The following DDR2 variants were observed in gnomAD, a reference collection of about 807,000 sequenced individuals.
The protein encoded by DDR2 is discoidin domain receptor tyrosine kinase 2, also known as discoidin domain-containing receptor 2.
DDR2 carries 27 observed loss-of-function variants against 94.9 expected under a neutral mutation model. That is an observed-to-expected ratio of 0.28 (90% CI 0.21 to 0.39). DDR2 has a LOEUF of 0.39. Ranked by LOEUF, DDR2 falls within the 10% of genes least tolerant of loss-of-function variation. DDR2 has a pLI of 1.00. For missense variants in DDR2, 783 were observed against 1,076.0 expected (o/e 0.73, Z 3.81); for synonymous variants, 382 against 377.2 (o/e 1.01, Z -0.15).
At chr1:162,767,852 A>C (rs1243906630) in intron 11 of DDR2, among the ~76,000 whole-genome samples, 1 of 151,580 alleles carries the variant, frequency 6.6e-6, no homozygotes, top group Non-Finnish European at 1.5e-5. Flanking sequence ...ATCCAGCTTC[A>C]TTAATATTCA....
chr1:162,634,306 T>A (rs569184341), intron 1 of DDR2, among the ~76,000 whole-genome samples: 5 of 152,354 alleles, frequency 3.3e-5, no homozygotes, highest in African/African-American at 9.6e-5. Flanking sequence ...TACCTTTTAC[T>A]ACTTAGCAAA....
intron 11 of DDR2, among the ~76,000 whole-genome samples, chr1:162,769,660 C>A (rs1664167946): frequency 6.6e-6 from 1 of 152,168 alleles, no homozygotes; most frequent in South Asian, 2.1e-4. Flanking sequence ...TTTGATGGAG[C>A]AGGCAGGTTA....
chr1:162,649,117 T>C (rs1159578740), intron 1 of DDR2, among the ~76,000 whole-genome samples: 1 of 152,086 alleles, frequency 6.6e-6, no homozygotes, highest in Non-Finnish European at 1.5e-5. Context: ...TGGAAATCTG[T>C]GGGTTTTAAG....
intron 2 of DDR2, among the ~76,000 whole-genome samples, chr1:162,664,430 C>T (rs1658446612): frequency 6.6e-6 from 1 of 151,946 alleles, no homozygotes; most frequent in Non-Finnish European, 1.5e-5. Context: ...AATCTATACA[C>T]AAAGATTATA....
At chr1:162,653,858 G>A (rs1657828704) in intron 1 of DDR2, among the ~76,000 whole-genome samples, 1 of 152,196 alleles carries the variant, frequency 6.6e-6, no homozygotes, top group Admixed American at 6.5e-5. Flanking sequence ...GAAGCCGGAG[G>A]AAAGTTGTGC....
chr1:162,752,703 G>T (rs142036348), intron 3 of DDR2, among the ~76,000 whole-genome samples: 1 of 152,308 alleles, frequency 6.6e-6, no homozygotes, highest in African/African-American at 2.4e-5. Flanking sequence ...TCATAAAGGC[G>T]CCTGGTGATT....
intron 15 of DDR2, 117 bp downstream of exon 15, chr1:162,775,960 A>G (rs531403575): frequency 4.2e-6 from 6 of 1,443,370 alleles, no homozygotes; most frequent in African/African-American, 1.4e-5. Flanking sequence ...GGGGGAAGTC[A>G]GTGTGCAGGG....
Position 162,693,065 on chromosome 1 carries a change from CA to C in DDR2, c.-27-25966del, listed in dbSNP as rs561836602. ...CTAATTTTGAGCGAAAGGGGCCAAA[CA>C]AAAAAGAAAACAAATGGAGTTATTA... On this transcript the variant is annotated intron_variant, in intron 2 of 17. Transcript: ENST00000367921. Among the ~76,000 whole-genome samples, 191 of 152,042 alleles carry C rather than the reference CA, an allele frequency of 1.3e-3. 1 individual carries two copies. The highest frequency in any genetic ancestry group is 4.3e-3 in the African/African-American group (178 of 41,440).
chr1:162,785,384 T>C lies in DDR2; in HGVS notation c.*5138T>C, dbSNP rs1271365395. The C allele has an allele frequency of 6.6e-6, 1 of 152,238 alleles. No individual in the cohort carries two copies. The highest frequency in any genetic ancestry group is 1.5e-5 in the Non-Finnish European group (1 of 68,046). 9.4% of individuals were successfully genotyped at this position (152,238 alleles called of 1,614,324 possible). A position where few individuals can be genotyped will look rare whatever the true frequency, so the allele number is the denominator to read the frequency against. On this transcript the variant is annotated 3_prime_UTR_variant, in exon 18 of 18. Coordinates refer to ENST00000367921, the MANE Select transcript of DDR2 (RefSeq NM_006182.4). The stretch of plus-strand genomic sequence containing the variant: ...AGACTCCTAATGTTTGATAAAATAC[T>C]ATTTTCAGAGTGGTAGAGAGGTTTT...
intron 3 of DDR2, among the ~76,000 whole-genome samples, chr1:162,745,083 A>G (rs1571278161): frequency 2.6e-5 from 4 of 152,150 alleles, no homozygotes; most frequent in Admixed American, 2.6e-4. Flanking sequence ...GCATTTCCCT[A>G]ATGATTAGTG....
chr1:162,696,521 C>T lies in DDR2; in HGVS notation c.-27-22516C>T, dbSNP rs536388804. Among the ~76,000 whole-genome samples, 4 of 151,940 alleles carry T rather than the reference C, an allele frequency of 2.6e-5. No homozygotes were observed. In the South Asian group the frequency reaches 8.3e-4, roughly 32 times the overall value. Reference sequence around the variant, plus strand: ...TATTTCATGAGCTCCAGGCTCCTGCCTGTTTCAGCTTGAGCCTCTGGCTTT... The same window carrying T: ...TATTTCATGAGCTCCAGGCTCCTGCTTGTTTCAGCTTGAGCCTCTGGCTTT... On this transcript the variant is annotated intron_variant, in intron 2 of 17. Transcript: ENST00000367921.
rs1648140667 is a variant in DDR2 at position 162,786,171 on chromosome 1, A to C, written c.*5925A>C. On this transcript the variant is annotated 3_prime_UTR_variant, in exon 18 of 18. Transcript: ENST00000367921. Reference sequence around the variant, plus strand: ...TGAAAACAGGCTTGGACACAATTGAAAGCTGGCTTCCTGCAAACACACCAA... The same window carrying C: ...TGAAAACAGGCTTGGACACAATTGACAGCTGGCTTCCTGCAAACACACCAA... 1 of 152,228 alleles carries C rather than the reference A, an allele frequency of 6.6e-6. No homozygotes were observed. The highest frequency in any genetic ancestry group is 1.5e-5 in the Non-Finnish European group (1 of 68,040). The allele number at this position is 152,228 out of a possible 1,614,324, so 9.4% of individuals were successfully genotyped here.
At chr1:162,644,038 C>A (rs982058328) in intron 1 of DDR2, among the ~76,000 whole-genome samples, 2 of 152,194 alleles carry the variant, frequency 1.3e-5, no homozygotes, top group South Asian at 2.1e-4. Flanking sequence ...GATACACTTG[C>A]AACTTGCTTT....
chr1:162,700,928 C>T (rs1399458101), intron 2 of DDR2, among the ~76,000 whole-genome samples: 1 of 152,094 alleles, frequency 6.6e-6, no homozygotes, highest in Non-Finnish European at 1.5e-5. Context: ...CTGTCTTCTA[C>T]ATGTGTTGTG....
chr1:162,685,978 C>A lies in DDR2; in HGVS notation c.-28+30604C>A, dbSNP rs961671172. On this transcript the variant is annotated intron_variant, in intron 2 of 17. Coordinates refer to ENST00000367921, the MANE Select transcript of DDR2 (RefSeq NM_006182.4). ...TCAGACAGTGCTAGGCAAAGAATAA[C>A]CGAAGAAGAGGGACTGTGTTCTATT... Among the ~76,000 whole-genome samples the A allele has an allele frequency of 2.6e-5, 4 of 152,148 alleles. No homozygotes were observed. In the East Asian group the frequency reaches 7.7e-4, roughly 29 times the overall value.
intron 3 of DDR2, among the ~76,000 whole-genome samples, chr1:162,739,947 G>A (rs1286771726): frequency 3.3e-5 from 5 of 149,280 alleles, no homozygotes; most frequent in Admixed American, 1.3e-4. Flanking sequence ...GGCTTGAGTC[G>A]TTGAAAGAAT....
At chr1:162,663,481 G>T (rs558372685) in intron 2 of DDR2, among the ~76,000 whole-genome samples, 1 of 152,178 alleles carries the variant, frequency 6.6e-6, no homozygotes, top group Non-Finnish European at 1.5e-5. Flanking sequence ...TTCCATGTAA[G>T]TAACAAAGAA....
At chr1:162,681,173 A>G (rs1239037281) in intron 2 of DDR2, among the ~76,000 whole-genome samples, 2 of 152,180 alleles carry the variant, frequency 1.3e-5, no homozygotes, top group African/African-American at 4.8e-5. Context: ...TCACTGGCAT[A>G]TCAGCTTGTT....
At chr1:162,727,957 A>C (rs1182180423) in intron 3 of DDR2, among the ~76,000 whole-genome samples, 3 of 44,464 alleles carry the variant, frequency 6.7e-5, no homozygotes, top group Admixed American at 1.9e-4. Context: ...CACACTATAT[A>C]TATCTATATA....
Sources: gnomAD v4.1 joint callset for allele counts (sites outside exome capture counted in the v4.1 genomes callset) on GRCh38, gnomAD v4.1.1 for gene constraint, MANE v1.5 for transcripts, NCBI Gene and HGNC (gene_info 2026-07-23, HGNC 2026-07-21) for gene names.